The following POU2F3 variants were observed in gnomAD, a reference collection of about 807,000 sequenced individuals.
The protein encoded by POU2F3 is POU class 2 homeobox 3, also known as POU domain, class 2, transcription factor 3.
A neutral mutation model predicts 59.2 loss-of-function variants in POU2F3; 23 were observed. The observed-to-expected ratio is 0.39, with a 90% CI of 0.28 to 0.55. The LOEUF (loss-of-function observed/expected upper bound fraction) is 0.55, where lower values mean the gene tolerates loss of function less well. Ranked by LOEUF, POU2F3 falls within the 20% of genes least tolerant of loss-of-function variation. The probability of loss-of-function intolerance (pLI) is 0.66; values close to 1 mark genes in which losing one functional copy is unlikely to be tolerated. For missense variants in POU2F3, 473 were observed against 544.5 expected (o/e 0.87, Z 1.31); for synonymous variants, 190 against 214.6 (o/e 0.89, Z 1.00).
chr11:120,251,349 C>T (rs1939090195), intron 2 of POU2F3, among the ~76,000 whole-genome samples: 1 of 152,236 alleles, frequency 6.6e-6, no homozygotes, highest in African/African-American at 2.4e-5. Context: ...CACTCTCCCT[C>T]CCTTTTTATG....
intron 2 of POU2F3, among the ~76,000 whole-genome samples, chr11:120,251,491 G>A (rs538296677): frequency 1.3e-5 from 2 of 152,226 alleles, no homozygotes; most frequent in Non-Finnish European, 2.9e-5. Flanking sequence ...GAAGGGTAGT[G>A]CAGGAATAAA....
In POU2F3 at chr11:120,240,143, G is replaced by A; in HGVS notation, c.-201G>A. The A allele has an allele frequency of 8.4e-7, 1 of 1,193,006 alleles. No individual in the cohort carries two copies. Among genetic ancestry groups the A allele is most frequent in the Non-Finnish European group, 1.0e-6 (1 of 961,016 alleles). 73.9% of individuals were successfully genotyped at this position (1,193,006 alleles called of 1,614,324 possible). A position where few individuals can be genotyped will look rare whatever the true frequency, so the allele number is the denominator to read the frequency against. Reference sequence around the variant, plus strand: ...CGCGCCGCGTGCTCACCTGGGGAGTGTGGCAATCCTGGCGGCGCCGAGTGT... The same window carrying A: ...CGCGCCGCGTGCTCACCTGGGGAGTATGGCAATCCTGGCGGCGCCGAGTGT... On this transcript the variant is annotated 5_prime_UTR_variant, in exon 1 of 13. It adds an upstream start codon to the 5' untranslated region. Transcript: ENST00000543440.
intron 7 of POU2F3, 23 bp from the exon 8 acceptor site, chr11:120,305,621 T>TC: frequency 6.2e-7 from 1 of 1,610,556 alleles, no homozygotes. Context: ...CTCATGTTCC[T>TC]CCCCCTCGGT....
chr11:120,254,588 C>T (rs1939256476), intron 2 of POU2F3, among the ~76,000 whole-genome samples: 1 of 152,162 alleles, frequency 6.6e-6, no homozygotes, highest in African/African-American at 2.4e-5. Flanking sequence ...AGCAGGAGCC[C>T]TTCCTCTCAT....
At chr11:120,243,106 T>C (rs887500378) in intron 1 of POU2F3, among the ~76,000 whole-genome samples, 1 of 152,080 alleles carries the variant, frequency 6.6e-6, no homozygotes, top group Non-Finnish European at 1.5e-5. Flanking sequence ...GAAGGCCTGA[T>C]GATGGGACTG....
intron 3 of POU2F3, among the ~76,000 whole-genome samples, chr11:120,271,371 G>A (rs1940063398): frequency 1.3e-5 from 2 of 152,204 alleles, no homozygotes; most frequent in African/African-American, 4.8e-5. Context: ...TTGCTTCAAG[G>A]GCAGGAAAAT....
intron 5 of POU2F3, chr11:120,300,777 T>A (rs907850530): frequency 1.8e-5 from 4 of 226,608 alleles, no homozygotes; most frequent in Non-Finnish European, 3.3e-5. Context: ...AAAAAAAAAA[T>A]AATGGAGGAA....
chr11:120,262,399 G>A (rs1322007345), intron 2 of POU2F3, among the ~76,000 whole-genome samples: 1 of 152,126 alleles, frequency 6.6e-6, no homozygotes, highest in African/African-American at 2.4e-5. Context: ...GAGCCCCCAA[G>A]CACTCATCAC....
At chr11:120,244,673 G>A (rs781397390) in intron 1 of POU2F3, among the ~76,000 whole-genome samples, 5 of 152,196 alleles carry the variant, frequency 3.3e-5, no homozygotes, top group African/African-American at 7.2e-5. Flanking sequence ...TCTCAGCACT[G>A]TTGAAGAATC....
intron 2 of POU2F3, among the ~76,000 whole-genome samples, chr11:120,267,724 A>T (rs1408577846): frequency 6.6e-6 from 1 of 151,084 alleles, no homozygotes. Flanking sequence ...AACTGTGGTC[A>T]TTTTGTGGCC....
chr11:120,304,866 C>T (rs547799341), intron 6 of POU2F3, among the ~76,000 whole-genome samples, 164 bp from the exon 7 acceptor site: 1 of 142,246 alleles, frequency 7.0e-6, no homozygotes, highest in East Asian at 2.0e-4. Flanking sequence ...CACTTCCATG[C>T]CACTGGAAAA....
At chr11:120,294,360 A>C (rs1941125218) in intron 3 of POU2F3, among the ~76,000 whole-genome samples, 1 of 152,194 alleles carries the variant, frequency 6.6e-6, no homozygotes, top group Non-Finnish European at 1.5e-5. Context: ...GTCCGTCCCA[A>C]GTAAAGTCTG....
chr11:120,293,929 C>T (rs945316660), intron 3 of POU2F3, among the ~76,000 whole-genome samples: 5 of 152,210 alleles, frequency 3.3e-5, no homozygotes, highest in Admixed American at 3.3e-4. Context: ...AGACCACTCT[C>T]TTGTCAGAGT....
rs551903264 is a variant in POU2F3 at position 120,298,181 on chromosome 11, C to A, written c.133-84C>A. ...TCCTCTCTAGGCTGGTCACTCCTTT[C>A]CTGCCTGGATCTTCCTGCCATTTCC... On this transcript the variant is annotated intron_variant, in intron 3 of 12. Coordinates refer to ENST00000543440, the MANE Select transcript of POU2F3 (RefSeq NM_014352.4). 4 of 1,486,596 alleles carry A rather than the reference C, an allele frequency of 2.7e-6. No individual in the cohort carries two copies. In the South Asian group the frequency reaches 5.1e-5, roughly 19 times the overall value. The allele number at this position is 1,486,596 out of a possible 1,614,324, so 92.1% of individuals were successfully genotyped here.
At chr11:120,276,003 A>G (rs1274126345) in intron 3 of POU2F3, among the ~76,000 whole-genome samples, 1 of 152,178 alleles carries the variant, frequency 6.6e-6, no homozygotes, top group African/African-American at 2.4e-5. Context: ...AGATTCAGGT[A>G]CGGAAAGGTC....
intron 9 of POU2F3, among the ~76,000 whole-genome samples, chr11:120,308,251 G>A (rs1591441459): frequency 6.6e-6 from 1 of 152,298 alleles, no homozygotes; most frequent in South Asian, 2.1e-4. Flanking sequence ...AGAAGAGGGA[G>A]AAACAGATGT....
intron 12 of POU2F3, 142 bp downstream of exon 12, chr11:120,317,506 C>G (rs2135145483): frequency 8.2e-7 from 1 of 1,217,360 alleles, no homozygotes; most frequent in African/African-American, 1.5e-5. Flanking sequence ...GACAGAGTGA[C>G]AGCCAGACTG....
intron 10 of POU2F3, among the ~76,000 whole-genome samples, chr11:120,311,067 C>T (rs953297392): frequency 7.2e-5 from 11 of 152,050 alleles, no homozygotes; most frequent in Admixed American, 1.3e-4. Flanking sequence ...GGGGAAAGTA[C>T]AAGGGCTGTG....
At chr11:120,243,182 G>A (rs954018857) in intron 1 of POU2F3, among the ~76,000 whole-genome samples, 2 of 152,138 alleles carry the variant, frequency 1.3e-5, no homozygotes, top group African/African-American at 2.4e-5. Flanking sequence ...AAGTGGGGCC[G>A]GTGGGTCCTT....
Sources: gnomAD v4.1 joint callset for allele counts (sites outside exome capture counted in the v4.1 genomes callset) on GRCh38, gnomAD v4.1.1 for gene constraint, MANE v1.5 for transcripts, NCBI Gene and HGNC (gene_info 2026-07-23, HGNC 2026-07-21) for gene names.